BCAS3: variants seen among roughly 807,000 people sequenced by gnomAD.
BCAS3 encodes the protein BCAS3 microtubule associated cell migration factor, also known as BCAS4/BCAS3 fusion.
BCAS3 carries 53 observed loss-of-function variants against 116.1 expected under a neutral mutation model. The ratio of observed to expected loss-of-function variants is 0.46; its 90% confidence interval spans 0.37 to 0.57. The LOEUF is 0.57. BCAS3 is among the 20% of genes least tolerant of loss of function. The probability of loss-of-function intolerance (pLI) is 0.00; values close to 1 mark genes in which losing one functional copy is unlikely to be tolerated. For missense variants in BCAS3, 917 were observed against 1,165.4 expected (o/e 0.79, Z 3.10); for synonymous variants, 391 against 408.2 (o/e 0.96, Z 0.51).
chr17:61,142,942 C>G (rs2077000274), intron 22 of BCAS3, among the ~76,000 whole-genome samples: 1 of 152,120 alleles, frequency 6.6e-6, no homozygotes, highest in Non-Finnish European at 1.5e-5. Flanking sequence ...GTTTTCTTAT[C>G]CAAAATTCCC....
intron 23 of BCAS3, among the ~76,000 whole-genome samples, chr17:61,384,099 G>A (rs1032414686): frequency 7.2e-5 from 11 of 152,316 alleles, no homozygotes; most frequent in African/African-American, 2.6e-4. Context: ...GACTCCTCCA[G>A]GCCCCCCATT....
intron 7 of BCAS3, among the ~76,000 whole-genome samples, chr17:60,827,630 A>C (rs1195520714): frequency 1.3e-5 from 2 of 152,192 alleles, no homozygotes; most frequent in Non-Finnish European, 2.9e-5. Context: ...CAGTTTGATA[A>C]ATTTTGACAT....
rs560911700 is a variant in BCAS3 at position 61,140,732 on chromosome 17, A to ATATAT, written c.2425+56169_2425+56173dup. On this transcript the variant is annotated intron_variant, in intron 22 of 23. Transcript: ENST00000407086. The surrounding 1 kb of genome is among the most constrained non-coding windows in gnomAD (Gnocchi z 4.2). ...TGTTTGTGATTTTTTAAGTTAATAAATATATATTTACATAGTTTATAGTTG... is the reference window on the plus strand; with the variant it reads ...TGTTTGTGATTTTTTAAGTTAATAAATATATTATATATTTACATAGTTTATAGTTG... 3.3e-3 allele frequency among the ~76,000 whole-genome samples: 495 copies of ATATAT among 152,276 alleles called. 3 individuals carry two copies. The highest frequency in any genetic ancestry group is 0.012 in the African/African-American group (479 of 41,546).
At chr17:60,792,257 A>G (rs1436382759) in intron 6 of BCAS3, among the ~76,000 whole-genome samples, 2 of 152,228 alleles carry the variant, frequency 1.3e-5, no homozygotes, top group African/African-American at 4.8e-5. Flanking sequence ...GAAGCCAGGA[A>G]CAGGCAGAAG....
rs2144306693 is a variant in BCAS3, at chr17:61,205,986, T to G, written c.2425+121422T>G. Among the ~76,000 whole-genome samples the G allele has an allele frequency of 6.6e-6, 1 of 152,324 alleles. No homozygotes were observed. The highest frequency in any genetic ancestry group is 3.4e-3 in the Middle Eastern group (1 of 294). On this transcript the variant is annotated intron_variant, in intron 22 of 23. Transcript: ENST00000407086. This position sits in a 1 kb window ranked among gnomAD's most constrained non-coding sequence, Gnocchi z 5.2. The stretch of plus-strand genomic sequence containing the variant: ...CCCATCAGACCAGTAGAATTTGAAC[T>G]TTTTTCCCAACTGAAGAGTCAACTG...
chr17:60,880,529 C>G (rs1469416860), intron 9 of BCAS3, among the ~76,000 whole-genome samples: 5 of 152,160 alleles, frequency 3.3e-5, no homozygotes, highest in Non-Finnish European at 7.4e-5. Flanking sequence ...ACCTCATGAT[C>G]CGTCCTCCTT....
At chr17:61,108,163 A>C (rs1256518007) in intron 22 of BCAS3, among the ~76,000 whole-genome samples, 1 of 152,090 alleles carries the variant, frequency 6.6e-6, no homozygotes, top group Non-Finnish European at 1.5e-5. Context: ...TCATTATATA[A>C]TGTCTTTCTC....
intron 11 of BCAS3, among the ~76,000 whole-genome samples, chr17:60,910,234 A>G (rs1273585887): frequency 6.6e-6 from 1 of 152,232 alleles, no homozygotes; most frequent in African/African-American, 2.4e-5. Flanking sequence ...TATCTTCTAT[A>G]AAAATATAAT....
intron 22 of BCAS3, among the ~76,000 whole-genome samples, chr17:61,108,604 G>T (rs867329449): frequency 5.9e-4 from 83 of 140,154 alleles, no homozygotes; most frequent in Middle Eastern, 7.2e-3. Context: ...GTCTATAGTG[G>T]TTTTTTTTTT....
At chr17:60,918,365 C>T (rs1410804856) in intron 12 of BCAS3, among the ~76,000 whole-genome samples, 1 of 152,074 alleles carries the variant, frequency 6.6e-6, no homozygotes, top group Non-Finnish European at 1.5e-5. Context: ...TTGTTATATG[C>T]ATAGAACGTC....
Position 61,356,055 on chromosome 17 carries a change from C to T in BCAS3, c.2426-12272C>T, listed in dbSNP as rs554033010. Among the ~76,000 whole-genome samples, 9 of 152,282 alleles carry T rather than the reference C, an allele frequency of 5.9e-5. No homozygotes were observed. In the East Asian group the frequency reaches 1.7e-3, roughly 29 times the overall value. On this transcript the variant is annotated intron_variant, in intron 22 of 23. Transcript: ENST00000407086. The surrounding 1 kb of genome is among the most constrained non-coding windows in gnomAD (Gnocchi z 5.4). ...TGTGGCCCAGGCTGGAGTACAATGG[C>T]GCAATCTCGGCCCACTGCAACCTCC...
rs145054454 is a variant in BCAS3 at position 60,734,277 on chromosome 17, A to C, written c.322-12921A>C. ...CCTGAGTAGCTAGGGCAACAGGTGC[A>C]CACTACCACACCCAGTTAATTTTTA... On this transcript the variant is annotated intron_variant, in intron 5 of 23. Coordinates refer to ENST00000407086, the MANE Select transcript of BCAS3 (RefSeq NM_017679.5). Among the ~76,000 whole-genome samples the C allele has an allele frequency of 6.7e-3, 1,021 of 152,214 alleles. 10 individuals are homozygous for C. The highest frequency in any genetic ancestry group is 0.023 in the African/African-American group (963 of 41,540).
Position 61,388,322 on chromosome 17 carries a change from A to C in BCAS3, c.2594-3655A>C. ...TGGGCCGTAGGTCCCCAGCCCTCCC[A>C]CTTCCTAAAACTGTTCTTCATGTTG... On this transcript the variant is annotated intron_variant, in intron 23 of 23. Transcript: ENST00000407086. This position sits in a 1 kb window ranked among gnomAD's most constrained non-coding sequence, Gnocchi z 6.5. The C allele has an allele frequency of 3.0e-6, 1 of 334,408 alleles. No homozygotes were observed. The highest frequency in any genetic ancestry group is 5.6e-6 in the Non-Finnish European group (1 of 178,718). 20.7% of individuals were successfully genotyped at this position (334,408 alleles called of 1,614,324 possible). A position where few individuals can be genotyped will look rare whatever the true frequency, so the allele number is the denominator to read the frequency against.
In BCAS3 at chr17:61,368,179, G is replaced by A. The variant is rs1451086066; in HGVS notation, c.2426-148G>A. 17 of 758,060 alleles carry A rather than the reference G, an allele frequency of 2.2e-5. No individual in the cohort carries two copies. The highest frequency in any genetic ancestry group is 6.9e-5 in the African/African-American group (4 of 57,872). 47.0% of individuals were successfully genotyped at this position (758,060 alleles called of 1,614,324 possible). On this transcript the variant is annotated intron_variant, in intron 22 of 23. Transcript: ENST00000407086. This position sits in a 1 kb window ranked among gnomAD's most constrained non-coding sequence, Gnocchi z 6.0. ...CAGCGGCATGAGCTATTTCTCCTGC[G>A]CTACCCAGTCTGTTGGCGGCGTGCT...
At chr17:60,794,636 C>T (rs1161351152) in intron 6 of BCAS3, among the ~76,000 whole-genome samples, 1 of 152,168 alleles carries the variant, frequency 6.6e-6, no homozygotes, top group African/African-American at 2.4e-5. Context: ...AGCCAATTAT[C>T]CCAGCACCAT....
At chr17:61,221,412 A>G (rs1466771960) in intron 22 of BCAS3, among the ~76,000 whole-genome samples, 1 of 152,190 alleles carries the variant, frequency 6.6e-6, no homozygotes, top group Non-Finnish European at 1.5e-5. Context: ...TCCTCTTCCC[A>G]AACCACATTG....
intron 10 of BCAS3, among the ~76,000 whole-genome samples, chr17:60,899,525 T>C (rs1160059789): frequency 6.6e-6 from 1 of 151,692 alleles, no homozygotes; most frequent in Non-Finnish European, 1.5e-5. Flanking sequence ...TGAGATGGAG[T>C]CTCGCTCTGT....
rs1568540103 is a variant in BCAS3, at chr17:61,189,882, C to T, written c.2425+105318C>T. Among the ~76,000 whole-genome samples the T allele has an allele frequency of 6.6e-6, 1 of 152,076 alleles. No individual in the cohort carries two copies. Among genetic ancestry groups the T allele is most frequent in the Non-Finnish European group, 1.5e-5 (1 of 68,016 alleles). On this transcript the variant is annotated intron_variant, in intron 22 of 23. Coordinates refer to ENST00000407086, the MANE Select transcript of BCAS3 (RefSeq NM_017679.5). This position sits in a 1 kb window ranked among gnomAD's most constrained non-coding sequence, Gnocchi z 4.5. The stretch of plus-strand genomic sequence containing the variant: ...TGAGTAAAAATGTGGGAGTTATCAA[C>T]ATATAGCTATGGAAGGTGAAAGGGA...
rs1411804824 is a variant in BCAS3 at position 61,329,337 on chromosome 17, A to T, written c.2426-38990A>T. Among the ~76,000 whole-genome samples, 12 of 106,294 alleles carry T rather than the reference A, an allele frequency of 1.1e-4. No homozygotes were observed. In the East Asian group the frequency reaches 1.6e-3, roughly 14 times the overall value. The allele number at this position is 106,294 out of a possible 152,430, so 69.7% of individuals were successfully genotyped here. On this transcript the variant is annotated intron_variant, in intron 22 of 23. Transcript: ENST00000407086. ...ACATCCAGGCCATGTTATTATTATT[A>T]TTATTATTTTTTTTTTTTTTTGAGA... is the stretch of plus-strand genomic sequence containing the variant.
Sources: allele counts gnomAD v4.1 joint callset (sites outside exome capture counted in the v4.1 genomes callset), GRCh38; gene constraint gnomAD v4.1.1; non-coding constraint Gnocchi (gnomAD v3.1); transcripts MANE v1.5; gene names NCBI Gene and HGNC (gene_info 2026-07-23, HGNC 2026-07-21).